SLC22A23: variants seen among roughly 807,000 people sequenced by gnomAD.
The protein encoded by SLC22A23 is solute carrier family 22 member 23.
A neutral mutation model predicts 61.0 loss-of-function variants in SLC22A23; 26 were observed. That is an observed-to-expected ratio of 0.43 (90% CI 0.31 to 0.59). The LOEUF (loss-of-function observed/expected upper bound fraction) is 0.59, where lower values mean the gene tolerates loss of function less well. Among genes scored for constraint, SLC22A23 ranks in the 20% least tolerant of loss-of-function variants. SLC22A23 has a pLI of 0.11. For missense variants in SLC22A23, 796 were observed against 934.7 expected (o/e 0.85, Z 1.94); for synonymous variants, 430 against 413.9 (o/e 1.04, Z -0.47).
intron 1 of SLC22A23, among the ~76,000 whole-genome samples, chr6:3,436,526 A>G (rs1771223359): frequency 6.6e-6 from 1 of 152,134 alleles, no homozygotes; most frequent in African/African-American, 2.4e-5. Flanking sequence ...AACTCTTCGC[A>G]GTCTTGTGCC....
intron 1 of SLC22A23, among the ~76,000 whole-genome samples, chr6:3,440,708 G>GA (rs1193698817): frequency 3.0e-4 from 23 of 76,152 alleles, no homozygotes; most frequent in Non-Finnish European, 3.7e-4. Flanking sequence ...CTCCGTCTCA[G>GA]AAAAAAAAAA....
At chr6:3,450,258 T>C (rs1333260265) in intron 1 of SLC22A23, among the ~76,000 whole-genome samples, 1 of 152,262 alleles carries the variant, frequency 6.6e-6, no homozygotes, top group East Asian at 1.9e-4. Context: ...TTGTTGCATA[T>C]ACTAGACAAA....
In SLC22A23 at chr6:3,323,938, C is replaced by T. The variant is rs775179325; in HGVS notation, c.978G>A (p.Met326Ile). The T allele has an allele frequency of 6.2e-7, 1 of 1,614,234 alleles. No homozygotes were observed. Among genetic ancestry groups the T allele is most frequent in the Admixed American group, 1.7e-5 (1 of 60,034 alleles). ...MITMVASFVA[M>I]AGQFLMPGLA... ...GCCCAGGCATGAGGAACTGGCCCGCCATGGCCACGAAGCTCGCCACCATCG... is the reference window on the plus strand; with the variant it reads ...GCCCAGGCATGAGGAACTGGCCCGCTATGGCCACGAAGCTCGCCACCATCG... Residue 326 changes from methionine to isoleucine, a missense_variant, in exon 4 of 10, where the codon ATG (methionine) becomes ATA (isoleucine). By Grantham distance (10) the Met-to-Ile change is conservative. Coordinates refer to ENST00000406686, the MANE Select transcript of SLC22A23 (RefSeq NM_015482.2).
In SLC22A23 at chr6:3,448,619, G is replaced by A. The variant is rs987112643; in HGVS notation, c.654+7287C>T. Reference sequence around the variant, plus strand: ...CGCCATTCTCCTGCCTCAGCCTCCCGAGTAGCTGGGACTACAGGCGCCCGC... The same window carrying A: ...CGCCATTCTCCTGCCTCAGCCTCCCAAGTAGCTGGGACTACAGGCGCCCGC... On this transcript the variant is annotated intron_variant, in intron 1 of 9. Coordinates refer to ENST00000406686, the MANE Select transcript of SLC22A23 (RefSeq NM_015482.2). Among the ~76,000 whole-genome samples, 18 of 152,080 alleles carry A rather than the reference G, an allele frequency of 1.2e-4. 1 individual carries two copies. The highest frequency in any genetic ancestry group is 6.6e-4 in the Admixed American group (10 of 15,266).
intron 1 of SLC22A23, among the ~76,000 whole-genome samples, chr6:3,443,596 C>T (rs957262698): frequency 1.3e-5 from 2 of 152,122 alleles, no homozygotes; most frequent in African/African-American, 2.4e-5. Flanking sequence ...TACTCAATTA[C>T]CCTCAATTAA....
At chr6:3,287,696 T>G (rs533484943) in intron 6 of SLC22A23, among the ~76,000 whole-genome samples, 25 of 151,370 alleles carry the variant, frequency 1.7e-4, no homozygotes, top group East Asian at 5.8e-4. Flanking sequence ...TGTTTTGTTT[T>G]GTTTTTGAGT....
chr6:3,442,542 C>T (rs971334661), intron 1 of SLC22A23, among the ~76,000 whole-genome samples: 2 of 152,230 alleles, frequency 1.3e-5, no homozygotes, highest in Non-Finnish European at 2.9e-5. Context: ...CAACACATAG[C>T]AATCAAGGGC....
chr6:3,354,404 T>A lies in SLC22A23; in HGVS notation c.914-30402A>T, dbSNP rs1764950284. Reference sequence around the variant, plus strand: ...GGTGGGTTGGGTAAACAAAAGAAAATCTCAAGAAGATTCAGATTCTCTTTC... The same window carrying A: ...GGTGGGTTGGGTAAACAAAAGAAAAACTCAAGAAGATTCAGATTCTCTTTC... On this transcript the variant is annotated intron_variant, in intron 3 of 9. Coordinates refer to ENST00000406686, the MANE Select transcript of SLC22A23 (RefSeq NM_015482.2). Among the ~76,000 whole-genome samples the A allele has an allele frequency of 2.6e-5, 4 of 152,130 alleles. No homozygotes were observed. In the South Asian group the frequency reaches 8.3e-4, roughly 32 times the overall value.
rs923130236 is a variant in SLC22A23 at position 3,271,775 on chromosome 6, G to C, written c.*1280C>G. 10 of 152,498 alleles carry C rather than the reference G, an allele frequency of 6.6e-5. No homozygotes were observed. Among genetic ancestry groups the C allele is most frequent in the Admixed American group, 3.9e-4 (6 of 15,306 alleles). The allele number at this position is 152,498 out of a possible 1,614,324, so 9.4% of individuals were successfully genotyped here. On this transcript the variant is annotated 3_prime_UTR_variant, in exon 10 of 10. Coordinates refer to ENST00000406686, the MANE Select transcript of SLC22A23 (RefSeq NM_015482.2). ...GCCAAGAGGAAACCTCCACTTTCTG[G>C]GGTGAAACGAGGAACACGAAGAGAC...
chr6:3,453,441 T>C (rs1211588607), intron 1 of SLC22A23, among the ~76,000 whole-genome samples: 1 of 152,200 alleles, frequency 6.6e-6, no homozygotes, highest in South Asian at 2.1e-4. Flanking sequence ...AGAGATATCA[T>C]GCAGAAGGCG....
intron 1 of SLC22A23, chr6:3,432,073 T>C (rs1467951187): frequency 1.0e-5 from 3 of 299,454 alleles, no homozygotes; most frequent in Non-Finnish European, 1.5e-5. Context: ...CAAAGCTTTA[T>C]GCTATAGGTG....
intron 4 of SLC22A23, among the ~76,000 whole-genome samples, chr6:3,300,729 C>T (rs1417830617): frequency 2.0e-5 from 3 of 152,224 alleles, no homozygotes; most frequent in Admixed American, 1.3e-4. Flanking sequence ...CTGCCTCCTT[C>T]ATACCTATTT....
chr6:3,362,414 AAAT>A (rs1322829911), intron 3 of SLC22A23, among the ~76,000 whole-genome samples: 1 of 72,930 alleles, frequency 1.4e-5, no homozygotes, highest in Non-Finnish European at 2.8e-5. Flanking sequence ...CAAAAAAAAA[AAAT>A]AAAATAAAAA....
rs761529558 is a variant in SLC22A23 at position 3,456,084 on chromosome 6, G to C, written c.476C>G (p.Pro159Arg). 2.1e-5 allele frequency: 32 copies of C among 1,550,160 alleles called. No individual in the cohort carries two copies. Among genetic ancestry groups the C allele is most frequent in the Non-Finnish European group, 2.8e-5 (32 of 1,146,648 alleles). The change falls in exon 1 of 10, where the codon CCC (proline) becomes CGC (arginine). Residue 159 changes from proline (P) to arginine (R), a missense_variant. Transcript: ENST00000406686. This position sits in a 1 kb window ranked among gnomAD's most constrained non-coding sequence, Gnocchi z 7.1. Reference sequence around the variant, plus strand: ...AGCCTCCCAGGGGGCAGTGGCGAAGGGGGTGGTGGGGAGGCTGGTCCAGTT... The same window carrying C: ...AGCCTCCCAGGGGGCAGTGGCGAAGCGGGTGGTGGGGAGGCTGGTCCAGTT... ...MGNWTSLPTT[P>R]FATAPWEAAG...
chr6:3,438,990 C>T (rs1771405219), intron 1 of SLC22A23, among the ~76,000 whole-genome samples: 1 of 152,212 alleles, frequency 6.6e-6, no homozygotes, highest in South Asian at 2.1e-4. Context: ...GCTTGGCCAT[C>T]TGTTGGGTGT....
chr6:3,301,450 G>A (rs960863675), intron 4 of SLC22A23, among the ~76,000 whole-genome samples: 2 of 152,194 alleles, frequency 1.3e-5, no homozygotes, highest in African/African-American at 2.4e-5. Flanking sequence ...CAGCGCAAGC[G>A]ATTTCGCAGG....
At chr6:3,337,428 G>T (rs1039438799) in intron 3 of SLC22A23, among the ~76,000 whole-genome samples, 1 of 150,562 alleles carries the variant, frequency 6.6e-6, no homozygotes, top group African/African-American at 2.5e-5. Context: ...CAAGCTCTGT[G>T]TTAAGTGTTA....
At chr6:3,296,703 C>T (rs1310871444) in intron 5 of SLC22A23, among the ~76,000 whole-genome samples, 1 of 152,130 alleles carries the variant, frequency 6.6e-6, no homozygotes, top group African/African-American at 2.4e-5. Context: ...CTTCAGGCGT[C>T]CCTGGGTAGG....
chr6:3,282,584 C>T (rs1022454070), intron 9 of SLC22A23, among the ~76,000 whole-genome samples: 1 of 152,206 alleles, frequency 6.6e-6, no homozygotes, highest in Non-Finnish European at 1.5e-5. Flanking sequence ...CTGGAATAGC[C>T]GCTACTGGAT....
Sources: allele counts gnomAD v4.1 joint callset (sites outside exome capture counted in the v4.1 genomes callset), GRCh38; gene constraint gnomAD v4.1.1; non-coding constraint Gnocchi (gnomAD v3.1); transcripts MANE v1.5; gene names NCBI Gene and HGNC (gene_info 2026-07-23, HGNC 2026-07-21).